Variants in MPI observed in about 807,000 individuals in gnomAD.
MPI encodes mannose-6-phosphate isomerase.
MPI carries 33 observed loss-of-function variants against 40.1 expected under a neutral mutation model. The observed-to-expected ratio is 0.82, with a 90% CI of 0.62 to 1.10. MPI has a LOEUF of 1.10. Among genes scored for constraint, MPI ranks in the 50% least tolerant of loss-of-function variants. The pLI, the probability that MPI is intolerant of heterozygous loss-of-function variation, is 0.00. For synonymous variants in MPI, 187 were observed against 207.4 expected (o/e 0.90, Z 0.85); for missense variants, 514 against 524.1 (o/e 0.98, Z 0.19).
chr15:74,897,723 T>C lies in MPI; in HGVS notation c.1265T>C (p.Leu422Pro). ...CTGCTGATATTCCGTGCCTGCTGTC[T>C]GCTGTAAAGGCTGCAGCCTCCCCAG... is the stretch of plus-strand genomic sequence containing the variant. ...KDLLIFRACC[L>P]L The change falls in exon 8 of 8, where the codon CTG (leucine) becomes CCG (proline). Residue 422 changes from leucine (L) to proline (P), a missense_variant. Leu to Pro is a moderately conservative substitution (Grantham distance 98). Coordinates refer to ENST00000352410, the MANE Select transcript of MPI (RefSeq NM_002435.3). 1 of 1,613,870 alleles carries C rather than the reference T, an allele frequency of 6.2e-7. No individual in the cohort carries two copies. Among genetic ancestry groups the C allele is most frequent in the South Asian group, 1.1e-5 (1 of 91,074 alleles).
chr15:74,897,702 T>G lies in MPI; in HGVS notation c.1244T>G (p.Leu415Arg). ...AAGCTTACTGAGCCGAAGGACCTGCTGATATTCCGTGCCTGCTGTCTGCTG... is the reference window on the plus strand; with the variant it reads ...AAGCTTACTGAGCCGAAGGACCTGCGGATATTCCGTGCCTGCTGTCTGCTG... ...SLKLTEPKDL[L>R]IFRACCLL The change falls in exon 8 of 8, where the codon CTG (leucine) becomes CGG (arginine). Residue 415 changes from leucine to arginine, a missense_variant. Coordinates refer to ENST00000352410, the MANE Select transcript of MPI (RefSeq NM_002435.3). 7 of 1,614,140 alleles carry G rather than the reference T, an allele frequency of 4.3e-6. No homozygotes were observed. The highest frequency in any genetic ancestry group is 5.9e-6 in the Non-Finnish European group (7 of 1,180,030).
chr15:74,894,107 T>TGTGTGTGTGAGCCAG (rs1555478772), intron 5 of MPI, among the ~76,000 whole-genome samples: 3 of 60,954 alleles, frequency 4.9e-5, no homozygotes, highest in Non-Finnish European at 1.4e-4. Context: ...TGTGTGTGTG[T>TGTGTGTGTGAGCCAG]GGTCTCTTTC....
At position 74,891,848 on chromosome 15, in the gene MPI, ACCCATGTCTATT is replaced by A. The variant is rs896895920; in HGVS notation, c.345+271_345+282del. Reference sequence around the variant, plus strand: ...CTTGTTCCTGGTCTTCCCTCATCCAACCCATGTCTATTCATATCTGCCATTTACTCATCTGCT... The same window carrying A: ...CTTGTTCCTGGTCTTCCCTCATCCAACATATCTGCCATTTACTCATCTGCT... On this transcript the variant is annotated intron_variant, in intron 3 of 7. Coordinates refer to ENST00000352410, the MANE Select transcript of MPI (RefSeq NM_002435.3). 9.2e-5 allele frequency among the ~76,000 whole-genome samples: 14 copies of A among 152,052 alleles called. 1 individual carries two copies. The highest frequency in any genetic ancestry group is 3.4e-4 in the African/African-American group (14 of 41,454).
At chr15:74,892,933 G>A in intron 4 of MPI, 131 bp downstream of exon 4, 1 of 1,451,706 alleles carries the variant, frequency 6.9e-7, no homozygotes, top group East Asian at 2.3e-5. Flanking sequence ...GCAGTTTTTG[G>A]AGCCAGTGAG....
At chr15:74,892,363 G>A (rs569403389) in intron 3 of MPI, among the ~76,000 whole-genome samples, 31 of 152,236 alleles carry the variant, frequency 2.0e-4, no homozygotes, top group Non-Finnish European at 4.1e-4. Flanking sequence ...CACACAGCTT[G>A]TTAGTGTCAG....
intron 2 of MPI, 120 bp downstream of exon 2, chr15:74,890,774 C>A: frequency 7.3e-7 from 1 of 1,375,350 alleles, no homozygotes; most frequent in Non-Finnish European, 1.0e-6. Flanking sequence ...ACCCACTTGG[C>A]TCTTCAGGCT....
rs1185650141 is a variant in MPI, at chr15:74,896,024, G to C, written c.671-128G>C. The C allele has an allele frequency of 3.6e-6, 4 of 1,098,740 alleles. No individual in the cohort carries two copies. The South Asian group carries it at 5.1e-5, about 14-fold the overall frequency. 68.1% of individuals were successfully genotyped at this position (1,098,740 alleles called of 1,614,324 possible). ...AAAGGGCTGGAGGCGTGGCCAGAAGGACAGGGCCACTTTGGCTTCTGGATT... is the reference window on the plus strand; with the variant it reads ...AAAGGGCTGGAGGCGTGGCCAGAAGCACAGGGCCACTTTGGCTTCTGGATT... On this transcript the variant is annotated intron_variant, in intron 5 of 7. Coordinates refer to ENST00000352410, the MANE Select transcript of MPI (RefSeq NM_002435.3).
Position 74,898,312 on chromosome 15 carries a change from T to A in MPI, c.*582T>A. 1 of 182,134 alleles carries A rather than the reference T, an allele frequency of 5.5e-6. No individual in the cohort carries two copies. The highest frequency in any genetic ancestry group is 1.2e-4 in the South Asian group (1 of 8,400). 11.3% of individuals were successfully genotyped at this position (182,134 alleles called of 1,614,324 possible). On this transcript the variant is annotated 3_prime_UTR_variant, in exon 8 of 8. Transcript: ENST00000352410. Reference sequence around the variant, plus strand: ...AGCCCTCCCTACATGATGCCCCAGTTTTTGCTTTATTCCTATTTCATACAG... The same window carrying A: ...AGCCCTCCCTACATGATGCCCCAGTATTTGCTTTATTCCTATTTCATACAG...
At chr15:74,892,544 A>T in intron 3 of MPI, 117 bp from the exon 4 acceptor site, 1 of 1,418,812 alleles carries the variant, frequency 7.0e-7, no homozygotes, top group Non-Finnish European at 9.8e-7. Flanking sequence ...AGAGGTAGGT[A>T]GTCACTGCCA....
chr15:74,895,910 G>A (rs2064810729), intron 5 of MPI: 1 of 554,848 alleles, frequency 1.8e-6, no homozygotes, highest in African/African-American at 1.9e-5. Context: ...TCTTTTAGTG[G>A]CTAGTATAGT....
At chr15:74,896,587 C>A (rs1256099154) in intron 6 of MPI, 12 of 643,132 alleles carry the variant, frequency 1.9e-5, no homozygotes, top group Non-Finnish European at 3.1e-5. Context: ...GTGGGAACCA[C>A]AATTTGAACG....
chr15:74,893,332 T>C lies in MPI; in HGVS notation c.670+12T>C. On this transcript the variant is annotated intron_variant, in intron 5 of 7. Transcript: ENST00000352410. ...GATCTCCCAGCAAGGTGGACACAGT[T>C]ATATTCCTGGTTGGGTGCAATGCTC... is the stretch of plus-strand genomic sequence containing the variant. 1.2e-6 allele frequency: 2 copies of C among 1,614,060 alleles called. No individual in the cohort carries two copies. The highest frequency in any genetic ancestry group is 2.2e-5 in the South Asian group (2 of 91,082).
chr15:74,897,168 CCT>C lies in MPI; in HGVS notation c.1006_1007del (p.Ser336AsnfsTer3). On this transcript the variant is annotated frameshift_variant, in exon 7 of 8. Transcript: ENST00000352410. LOFTEE classifies it high-confidence loss of function. ...LPTRSQEDPY[L>X]SIYDPPVPDF... is the part of the protein sequence containing the mutation. ...CAACACGGAGTCAGGAAGACCCCTA[CCT>C]CTCAATCTATGACCCCCCTGTACCA... is the stretch of plus-strand genomic sequence containing the variant. 1.9e-6 allele frequency: 3 copies of C among 1,614,162 alleles called. No homozygotes were observed. Among genetic ancestry groups the C allele is most frequent in the Non-Finnish European group, 2.5e-6 (3 of 1,180,034 alleles).
chr15:74,897,950 C>T lies in MPI; in HGVS notation c.*220C>T, dbSNP rs1365581987. 2 of 614,802 alleles carry T rather than the reference C, an allele frequency of 3.3e-6. No homozygotes were observed. Among genetic ancestry groups the T allele is most frequent in the Non-Finnish European group, 3.0e-6 (1 of 336,794 alleles). 38.1% of individuals were successfully genotyped at this position (614,802 alleles called of 1,614,324 possible). A position where few individuals can be genotyped will look rare whatever the true frequency, so the allele number is the denominator to read the frequency against. On this transcript the variant is annotated 3_prime_UTR_variant, in exon 8 of 8. Coordinates refer to ENST00000352410, the MANE Select transcript of MPI (RefSeq NM_002435.3). ...AGAGGCCCGTGTGAGGGGTCTGATA[C>T]TCCCTTTGTCTTCCCTCTCTACTCC...
intron 5 of MPI, 47 bp downstream of exon 5, chr15:74,893,367 C>T: frequency 6.2e-7 from 1 of 1,602,942 alleles, no homozygotes; most frequent in Middle Eastern, 1.7e-4. Context: ...CTGGCCTGGG[C>T]TTCCCAGCAG....
Position 74,901,926 on chromosome 15 carries a change from G to A in MPI, c.*4196G>A. ...GCAGTTTTTCTCTAACTAGGGAAGG[G>A]CAAACCAGAATCACTAAACTCACCC... On this transcript the variant is annotated 3_prime_UTR_variant, in exon 8 of 8. Coordinates refer to ENST00000352410, the MANE Select transcript of MPI (RefSeq NM_002435.3). 1 of 395,354 alleles carries A rather than the reference G, an allele frequency of 2.5e-6. No homozygotes were observed. The highest frequency in any genetic ancestry group is 3.6e-5 in the East Asian group (1 of 27,894). 24.5% of individuals were successfully genotyped at this position (395,354 alleles called of 1,614,324 possible). A position where few individuals can be genotyped will look rare whatever the true frequency, so the allele number is the denominator to read the frequency against.
chr15:74,894,039 A>AGT (rs1163375284), intron 5 of MPI, among the ~76,000 whole-genome samples: 53 of 57,046 alleles, frequency 9.3e-4, no homozygotes, highest in Admixed American at 2.8e-3. Flanking sequence ...TTTTCTGTTC[A>AGT]GTGTGTGTGT....
intron 5 of MPI, chr15:74,893,590 AG>A (rs1595819065): frequency 1.7e-6 from 1 of 601,918 alleles, no homozygotes; most frequent in East Asian, 2.8e-5. Flanking sequence ...CCTTCCACCT[AG>A]GCATTCTGAG....
rs746276252 is a variant in MPI, at chr15:74,896,246, C to T, written c.765C>T (p.Tyr255=). ...YPGDIGCFAI[Y]FLNLLTLKPG... The stretch of plus-strand genomic sequence containing the variant: ...GTGATATCGGCTGCTTTGCCATCTA[C>T]TTCCTGAACCTGCTTACCCTGAAGC... Residue 255 remains tyrosine (Y), a synonymous_variant, in exon 6 of 8, where the codon TAC becomes TAT. Transcript: ENST00000352410. 1.2e-6 allele frequency: 2 copies of T among 1,614,076 alleles called. No homozygotes were observed. Among genetic ancestry groups the T allele is most frequent in the East Asian group, 2.2e-5 (1 of 44,900 alleles).
Sources: gnomAD v4.1 joint callset for allele counts (sites outside exome capture counted in the v4.1 genomes callset) on GRCh38, gnomAD v4.1.1 for gene constraint, MANE v1.5 for transcripts, NCBI Gene and HGNC (gene_info 2026-07-23, HGNC 2026-07-21) for gene names.